The following CIB4 variants were observed in gnomAD, a reference collection of about 807,000 sequenced individuals.
CIB4 encodes the protein calcium and integrin-binding family member 4.
Under a neutral mutation model 25.8 loss-of-function variants are expected in CIB4, and 25 were observed. That is an observed-to-expected ratio of 0.97 (90% CI 0.71 to 1.35). The LOEUF is 1.35. Among genes scored for constraint, CIB4 ranks in the 40% most tolerant of loss-of-function variants. The pLI is 0.00. For missense variants in CIB4, 235 were observed against 228.2 expected, an observed-to-expected ratio of 1.03 and a Z score of -0.19; for synonymous variants, 75 against 81.4, an observed-to-expected ratio of 0.92 and a Z score of 0.42.
chr2:26,605,815 G>A (rs1668878557), intron 3 of CIB4, among the ~76,000 whole-genome samples: 2 of 152,186 alleles, frequency 1.3e-5, no homozygotes, highest in Non-Finnish European at 2.9e-5. Context: ...CAAGCCCAAA[G>A]AAGGAAAGCA....
chr2:26,589,057 T>C (rs1228571430), intron 4 of CIB4, among the ~76,000 whole-genome samples: 574 of 36,084 alleles, frequency 0.016, 46 homozygotes, highest in African/African-American at 0.032. Context: ...CTTCTTCTTC[T>C]TCCTCTTCCT....
chr2:26,640,093 AG>A (rs771852095), intron 2 of CIB4, among the ~76,000 whole-genome samples: 11 of 137,026 alleles, frequency 8.0e-5, no homozygotes, highest in Non-Finnish European at 1.6e-4. Context: ...CAGGCACCGG[AG>A]AAAGGGCAGG....
In CIB4 at chr2:26,626,170, C is replaced by A. The variant is rs1447319330; in HGVS notation, c.186+3240G>T. On this transcript the variant is annotated intron_variant, in intron 3 of 6. Coordinates refer to ENST00000288861, the MANE Select transcript of CIB4 (RefSeq NM_001029881.3). ...TATAGTTAGCTGAAGTCTATTTGCCCCTTTGCTTCTCCCCACTCCAGTCAT... is the reference window on the plus strand; with the variant it reads ...TATAGTTAGCTGAAGTCTATTTGCCACTTTGCTTCTCCCCACTCCAGTCAT... Among the ~76,000 whole-genome samples, 3 of 152,090 alleles carry A rather than the reference C, an allele frequency of 2.0e-5. No homozygotes were observed. In the East Asian group the frequency reaches 5.8e-4, roughly 29 times the overall value.
rs781513145 is a variant in CIB4, at chr2:26,641,325, CCTTT to C, written c.-15_-12del. 17 of 1,612,828 alleles carry C rather than the reference CCTTT, an allele frequency of 1.1e-5. 1 individual carries two copies. The Middle Eastern group carries it at 4.9e-4, about 47-fold the overall frequency. Reference sequence around the variant, plus strand: ...CAAGCATTGCCCCATGCCAACCACACCTTTCTGTCTGCCAGCAGTAGAACCTCAG... The same window carrying C: ...CAAGCATTGCCCCATGCCAACCACACCTGTCTGCCAGCAGTAGAACCTCAG... On this transcript the variant is annotated 5_prime_UTR_variant, in exon 1 of 7. Coordinates refer to ENST00000288861, the MANE Select transcript of CIB4 (RefSeq NM_001029881.3).
intron 3 of CIB4, among the ~76,000 whole-genome samples, chr2:26,617,148 GCAC>G (rs1669110847): frequency 8.3e-6 from 1 of 120,846 alleles, no homozygotes; most frequent in Non-Finnish European, 1.7e-5. Flanking sequence ...GTGTGTGTGT[GCAC>G]GTGAGCGTGG....
intron 3 of CIB4, among the ~76,000 whole-genome samples, chr2:26,605,176 GAACTAAGTGAA>G (rs1374296551): frequency 6.6e-6 from 1 of 152,062 alleles, no homozygotes; most frequent in Non-Finnish European, 1.5e-5. Context: ...AAATTATTTT[GAACTAAGTGAA>G]AATGAAAACA....
intron 4 of CIB4, among the ~76,000 whole-genome samples, chr2:26,589,130 TCTTCTTCTTCTC>T (rs1668534788): frequency 1.5e-5 from 2 of 134,606 alleles, no homozygotes; most frequent in African/African-American, 6.3e-5. Context: ...TTCTTCTTCT[TCTTCTTCTTCTC>T]CTTCCCCTTC....
chr2:26,591,654 G>T (rs746643748), intron 4 of CIB4, among the ~76,000 whole-genome samples: 11 of 152,202 alleles, frequency 7.2e-5, no homozygotes, highest in African/African-American at 1.2e-4. Flanking sequence ...TGGGAACTGT[G>T]ACTTGCTTGT....
At chr2:26,629,965 C>T (rs555796875) in intron 2 of CIB4, among the ~76,000 whole-genome samples, 45 of 152,174 alleles carry the variant, frequency 3.0e-4, no homozygotes, top group African/African-American at 1.1e-3. Flanking sequence ...GAGGTCACTT[C>T]GTGGGTCTGA....
intron 3 of CIB4, among the ~76,000 whole-genome samples, chr2:26,607,441 G>A (rs1238821962): frequency 2.6e-5 from 4 of 152,130 alleles, no homozygotes; most frequent in Non-Finnish European, 4.4e-5. Flanking sequence ...ATCTATCCAC[G>A]TTTGTACATT....
At chr2:26,606,344 C>T (rs1440298347) in intron 3 of CIB4, among the ~76,000 whole-genome samples, 1 of 152,006 alleles carries the variant, frequency 6.6e-6, no homozygotes, top group African/African-American at 2.4e-5. Flanking sequence ...GGAGGCAGGA[C>T]GGACAAAGGG....
chr2:26,611,916 C>T (rs779625222), intron 3 of CIB4, among the ~76,000 whole-genome samples: 1 of 151,948 alleles, frequency 6.6e-6, no homozygotes, highest in Non-Finnish European at 1.5e-5. Flanking sequence ...TAAAGCTTGC[C>T]TAGGGGAAAA....
intron 3 of CIB4, among the ~76,000 whole-genome samples, chr2:26,614,427 C>T (rs1049060997): frequency 1.3e-5 from 2 of 152,194 alleles, no homozygotes; most frequent in East Asian, 1.9e-4. Flanking sequence ...ACGAGCAATA[C>T]TTTTTAAATG....
chr2:26,612,363 C>T (rs1306971726), intron 3 of CIB4, among the ~76,000 whole-genome samples: 1 of 152,228 alleles, frequency 6.6e-6, no homozygotes, highest in African/African-American at 2.4e-5. Flanking sequence ...CTGTACCTTT[C>T]CATATTCTTT....
At chr2:26,589,887 T>C (rs1379964363) in intron 4 of CIB4, among the ~76,000 whole-genome samples, 1 of 152,138 alleles carries the variant, frequency 6.6e-6, no homozygotes, top group Non-Finnish European at 1.5e-5. Flanking sequence ...CCTTCTCCTA[T>C]CACCTTTTCT....
intron 2 of CIB4, among the ~76,000 whole-genome samples, chr2:26,638,003 A>G (rs563173219): frequency 1.3e-5 from 2 of 152,056 alleles, no homozygotes; most frequent in Non-Finnish European, 2.9e-5. Context: ...CCCCAACCCC[A>G]CCACCCCCAG....
At chr2:26,584,896 C>T (rs1668421164) in intron 4 of CIB4, among the ~76,000 whole-genome samples, 1 of 152,128 alleles carries the variant, frequency 6.6e-6, no homozygotes, top group African/African-American at 2.4e-5. Flanking sequence ...GCTGCTAGTT[C>T]CTCAACTGCA....
At chr2:26,619,555 C>T (rs780959791) in intron 3 of CIB4, among the ~76,000 whole-genome samples, 5 of 152,306 alleles carry the variant, frequency 3.3e-5, no homozygotes, top group South Asian at 2.1e-4. Context: ...TCCCTCCTGA[C>T]ACCTGCCAAA....
intron 4 of CIB4, 55 bp downstream of exon 4, chr2:26,595,121 G>C: frequency 6.5e-7 from 1 of 1,542,458 alleles, no homozygotes; most frequent in South Asian, 1.2e-5. Context: ...TCCAGATACG[G>C]TATGTTCTCT....
Sources: gnomAD v4.1 joint callset for allele counts (sites outside exome capture counted in the v4.1 genomes callset) on GRCh38, gnomAD v4.1.1 for gene constraint, MANE v1.5 for transcripts, NCBI Gene and HGNC (gene_info 2026-07-23, HGNC 2026-07-21) for gene names.